Variants in SPIRE1 observed in about 807,000 individuals in gnomAD.
The protein encoded by SPIRE1 is protein spire homolog 1.
A neutral mutation model predicts 94.1 loss-of-function variants in SPIRE1; 40 were observed. The ratio of observed to expected loss-of-function variants is 0.43; its 90% CI spans 0.33 to 0.55. SPIRE1 has a LOEUF of 0.55. Ranked by LOEUF, SPIRE1 falls within the 20% of genes least tolerant of loss-of-function variation. The pLI is 0.06. For synonymous variants in SPIRE1, 376 were observed against 371.7 expected (o/e 1.01, Z -0.13); for missense variants, 838 against 975.2 (o/e 0.86, Z 1.87).
intron 7 of SPIRE1, among the ~76,000 whole-genome samples, chr18:12,493,773 C>T (rs144786154): frequency 1.7e-4 from 26 of 152,304 alleles, no homozygotes; most frequent in Non-Finnish European, 1.8e-4. Flanking sequence ...GGATTCCAGG[C>T]GCATGCCACT....
chr18:12,595,510 C>A (rs1451839410), intron 2 of SPIRE1, among the ~76,000 whole-genome samples: 3 of 152,142 alleles, frequency 2.0e-5, no homozygotes, highest in Non-Finnish European at 4.4e-5. Context: ...AAGGAGATTA[C>A]AGAACTTTTC....
chr18:12,644,447 G>C (rs1404424788), intron 1 of SPIRE1, among the ~76,000 whole-genome samples: 1 of 151,950 alleles, frequency 6.6e-6, no homozygotes, highest in Non-Finnish European at 1.5e-5. Context: ...CCAAAGGATT[G>C]AAAGAAGCTA....
At chr18:12,497,786 T>C (rs1343581446) in intron 6 of SPIRE1, among the ~76,000 whole-genome samples, 1 of 152,256 alleles carries the variant, frequency 6.6e-6, no homozygotes. Context: ...ACTTTTCTAT[T>C]ACTCACTAGT....
At chr18:12,610,459 C>T (rs1196056359) in intron 2 of SPIRE1, among the ~76,000 whole-genome samples, 1 of 152,140 alleles carries the variant, frequency 6.6e-6, no homozygotes, top group Non-Finnish European at 1.5e-5. Context: ...CTCTAAACTT[C>T]CTTCTTAAGC....
intron 6 of SPIRE1, among the ~76,000 whole-genome samples, chr18:12,500,005 C>A (rs1164316192): frequency 6.6e-6 from 1 of 152,182 alleles, no homozygotes; most frequent in Non-Finnish European, 1.5e-5. Context: ...AGGCCATTAT[C>A]CTAAGTGAGC....
chr18:12,593,192 A>C (rs918630301), intron 2 of SPIRE1, among the ~76,000 whole-genome samples: 27 of 152,372 alleles, frequency 1.8e-4, no homozygotes, highest in Admixed American at 1.5e-3. Flanking sequence ...TTAAAATATA[A>C]ATTAAAAACT....
At chr18:12,556,202 G>C (rs991123480) in intron 2 of SPIRE1, among the ~76,000 whole-genome samples, 6 of 151,820 alleles carry the variant, frequency 4.0e-5, no homozygotes, top group Admixed American at 1.3e-4. Context: ...TGGATTGGAA[G>C]AATCAACATT....
chr18:12,555,397 G>C (rs1210284361), intron 2 of SPIRE1, among the ~76,000 whole-genome samples: 1 of 152,130 alleles, frequency 6.6e-6, no homozygotes, highest in East Asian at 1.9e-4. Flanking sequence ...TATCACTGAT[G>C]AATGTTGATG....
At position 12,644,113 on chromosome 18, in the gene SPIRE1, C is replaced by T. The variant is rs530306134; in HGVS notation, c.338-9017G>A. The stretch of plus-strand genomic sequence containing the variant: ...ACTTGGGAGGCTGAGGAGGGAGAAT[C>T]GCTTGAACACAGGAGGCGGAGGTTG... On this transcript the variant is annotated intron_variant, in intron 1 of 16. Coordinates refer to ENST00000409402, the MANE Select transcript of SPIRE1 (RefSeq NM_001128626.2). Among the ~76,000 whole-genome samples, 231 of 147,066 alleles carry T rather than the reference C, an allele frequency of 1.6e-3. 3 individuals are homozygous for T. Among genetic ancestry groups the T allele is most frequent in the South Asian group, 1.9e-3 (9 of 4,646 alleles).
rs1052033567 is a variant in SPIRE1, at chr18:12,634,108, C to T, written c.372+954G>A. Among the ~76,000 whole-genome samples, 6 of 151,948 alleles carry T rather than the reference C, an allele frequency of 3.9e-5. No individual in the cohort carries two copies. The South Asian group carries it at 1.0e-3, about 26-fold the overall frequency. On this transcript the variant is annotated intron_variant, in intron 2 of 16. Coordinates refer to ENST00000409402, the MANE Select transcript of SPIRE1 (RefSeq NM_001128626.2). Reference sequence around the variant, plus strand: ...CTAAAAATACAAAAAATTAGCTGGGCGCGGTGGCGGGCGCCTGTAGTCCCA... The same window carrying T: ...CTAAAAATACAAAAAATTAGCTGGGTGCGGTGGCGGGCGCCTGTAGTCCCA...
chr18:12,580,505 G>T (rs1429140640), intron 2 of SPIRE1, among the ~76,000 whole-genome samples: 1 of 152,008 alleles, frequency 6.6e-6, no homozygotes, highest in African/African-American at 2.4e-5. Flanking sequence ...TGCATTTTCA[G>T]TAGAGACGGG....
intron 2 of SPIRE1, among the ~76,000 whole-genome samples, chr18:12,606,154 C>T (rs918218206): frequency 2.6e-5 from 4 of 152,114 alleles, no homozygotes; most frequent in Admixed American, 6.6e-5. Context: ...CCCTTGCCCC[C>T]CCTTTATTTT....
chr18:12,610,203 T>C (rs2037099228), intron 2 of SPIRE1, among the ~76,000 whole-genome samples: 1 of 152,146 alleles, frequency 6.6e-6, no homozygotes, highest in Non-Finnish European at 1.5e-5. Flanking sequence ...CTCTTCTCTC[T>C]CAATTCTTGG....
chr18:12,546,180 AG>A (rs2035161065), intron 3 of SPIRE1, among the ~76,000 whole-genome samples: 1 of 152,096 alleles, frequency 6.6e-6, no homozygotes, highest in South Asian at 2.1e-4. Flanking sequence ...TAGTAGAGAC[AG>A]GGTTTGACCG....
intron 12 of SPIRE1, among the ~76,000 whole-genome samples, chr18:12,461,774 T>C (rs1265217623): frequency 2.0e-5 from 3 of 152,136 alleles, no homozygotes. Flanking sequence ...ATTACGGGCA[T>C]GCGCCACCAC....
intron 10 of SPIRE1, among the ~76,000 whole-genome samples, chr18:12,477,624 T>TA (rs1420707776): frequency 7.2e-5 from 11 of 151,918 alleles, no homozygotes; most frequent in Non-Finnish European, 1.3e-4. Flanking sequence ...GACAGGGTGT[T>TA]AAAGTGTTCC....
At chr18:12,454,075 G>A (rs2031385007) in intron 13 of SPIRE1, among the ~76,000 whole-genome samples, 1 of 152,182 alleles carries the variant, frequency 6.6e-6, no homozygotes, top group Non-Finnish European at 1.5e-5. Flanking sequence ...GAGCCACCAT[G>A]CCTGGCCACA....
intron 4 of SPIRE1, among the ~76,000 whole-genome samples, chr18:12,533,264 A>G (rs1449679022): frequency 2.6e-5 from 4 of 152,260 alleles, no homozygotes. Context: ...AACCTCGGTC[A>G]GCCTGGCCAG....
At position 12,535,611 on chromosome 18, in the gene SPIRE1, G is replaced by C; in HGVS notation, c.604-10C>G. ...GATGAGCAGCACACAACTATAGAAG[G>C]GGAAAATAAAATAATGGTGCTTGGT... is the stretch of plus-strand genomic sequence containing the variant. On this transcript the variant is annotated splice_polypyrimidine_tract_variant and intron_variant, in intron 3 of 16. Coordinates refer to ENST00000409402, the MANE Select transcript of SPIRE1 (RefSeq NM_001128626.2). The C allele has an allele frequency of 1.9e-6, 3 of 1,602,914 alleles. No homozygotes were observed. The highest frequency in any genetic ancestry group is 2.7e-5 in the African/African-American group (2 of 74,536).
Sources: allele counts gnomAD v4.1 joint callset (sites outside exome capture counted in the v4.1 genomes callset), GRCh38; gene constraint gnomAD v4.1.1; transcripts MANE v1.5; gene names NCBI Gene and HGNC (gene_info 2026-07-23, HGNC 2026-07-21).